The following CCDC60 variants were observed in gnomAD, a reference collection of about 807,000 sequenced individuals.
CCDC60 encodes the protein coiled-coil domain containing 60.
A neutral mutation model predicts 63.5 loss-of-function variants in CCDC60; 54 were observed. The ratio of observed to expected loss-of-function variants is 0.85; its 90% CI spans 0.68 to 1.07. CCDC60 has a LOEUF of 1.07. Ranked by LOEUF, CCDC60 falls within the 50% of genes least tolerant of loss-of-function variation. The probability of loss-of-function intolerance (pLI) is 0.00; values close to 1 mark genes in which losing one functional copy is unlikely to be tolerated. For synonymous variants in CCDC60, 206 were observed against 238.8 expected (o/e 0.86, Z 1.27); for missense variants, 651 against 684.3 (o/e 0.95, Z 0.54).
chr12:119,335,267 G>GT lies in CCDC60; in HGVS notation c.90+2dup, dbSNP rs1565960103. 1 of 1,594,552 alleles carries GT rather than the reference G, an allele frequency of 6.3e-7. No homozygotes were observed. On this transcript the variant is annotated splice_donor_variant, in intron 1 of 13. Transcript: ENST00000327554. LOFTEE classifies it high-confidence loss of function. ...TTATGCCTCGGAGAACCTAAGGCAG[G>GT]TAAGTCTCCCCTCTGCTGAAACCAA...
chr12:119,487,032 C>T (rs2136370262), intron 4 of CCDC60, among the ~76,000 whole-genome samples: 1 of 152,168 alleles, frequency 6.6e-6, no homozygotes, highest in Admixed American at 6.5e-5. Flanking sequence ...GCCAGGACTC[C>T]ACCTTGTTTC....
At chr12:119,347,921 A>G (rs562566372) in intron 1 of CCDC60, among the ~76,000 whole-genome samples, 3 of 152,350 alleles carry the variant, frequency 2.0e-5, no homozygotes, top group African/African-American at 7.2e-5. Flanking sequence ...CCAAATATCA[A>G]GAATTAAAAT....
At chr12:119,512,127 G>A (rs1399742043) in intron 7 of CCDC60, among the ~76,000 whole-genome samples, 1 of 152,190 alleles carries the variant, frequency 6.6e-6, no homozygotes. Flanking sequence ...AAAGGTGGAT[G>A]TACACAACAC....
At chr12:119,497,319 G>A (rs778724894) in intron 5 of CCDC60, among the ~76,000 whole-genome samples, 31 of 152,298 alleles carry the variant, frequency 2.0e-4, no homozygotes, top group Non-Finnish European at 3.2e-4. Context: ...AGCTTAGGTG[G>A]TTTTATTTTT....
rs773506348 is a variant in CCDC60, at chr12:119,420,551, G to A, written c.91-8132G>A. ...AATGGACATAGGTAGTAGAAGGATGGTTATTAGAGGCTGGGAAGGATAGTG... is the reference window on the plus strand; with the variant it reads ...AATGGACATAGGTAGTAGAAGGATGATTATTAGAGGCTGGGAAGGATAGTG... On this transcript the variant is annotated intron_variant, in intron 1 of 13. Transcript: ENST00000327554. This position sits in a 1 kb window ranked among gnomAD's most constrained non-coding sequence, Gnocchi z 4.1. Among the ~76,000 whole-genome samples, 8 of 152,278 alleles carry A rather than the reference G, an allele frequency of 5.3e-5. No homozygotes were observed. In the East Asian group the frequency reaches 9.7e-4, roughly 18 times the overall value.
At chr12:119,488,258 AGAACAATT>A (rs997275743) in intron 4 of CCDC60, among the ~76,000 whole-genome samples, 2 of 152,234 alleles carry the variant, frequency 1.3e-5, no homozygotes, top group African/African-American at 4.8e-5. Flanking sequence ...TGGGGGGAGA[AGAACAATT>A]AATACACTAG....
intron 5 of CCDC60, among the ~76,000 whole-genome samples, chr12:119,497,142 C>T (rs1001644780): frequency 7.9e-5 from 12 of 152,170 alleles, no homozygotes; most frequent in Admixed American, 5.9e-4. Flanking sequence ...GTCACTTTCA[C>T]TCATGTATTT....
At chr12:119,472,344 C>T (rs1403336333) in intron 3 of CCDC60, among the ~76,000 whole-genome samples, 180 bp downstream of exon 3, 1 of 152,132 alleles carries the variant, frequency 6.6e-6, no homozygotes. Context: ...TTCTGGTATT[C>T]GCTGGAACAT....
chr12:119,410,116 G>T lies in CCDC60; in HGVS notation c.91-18567G>T, dbSNP rs942772763. On this transcript the variant is annotated intron_variant, in intron 1 of 13. Transcript: ENST00000327554. This position sits in a 1 kb window ranked among gnomAD's most constrained non-coding sequence, Gnocchi z 4.0. ...TCCAAGATACATTGTTATGTCAGGG[G>T]AAATCAGGACACAAACAGTGCTACC... is the stretch of plus-strand genomic sequence containing the variant. 2.6e-5 allele frequency among the ~76,000 whole-genome samples: 4 copies of T among 152,044 alleles called. No homozygotes were observed. Among genetic ancestry groups the T allele is most frequent in the Non-Finnish European group, 5.9e-5 (4 of 68,018 alleles).
intron 1 of CCDC60, among the ~76,000 whole-genome samples, chr12:119,417,261 A>G (rs1956718397): frequency 1.3e-5 from 2 of 151,974 alleles, no homozygotes; most frequent in South Asian, 2.1e-4. Flanking sequence ...CTTGCAGGAG[A>G]GATGCTACAT....
chr12:119,505,403 A>G, intron 7 of CCDC60, 100 bp downstream of exon 7: 1 of 746,508 alleles, frequency 1.3e-6, no homozygotes, highest in Non-Finnish European at 2.2e-6. Flanking sequence ...CACTCATTTA[A>G]AGGTGACATG....
chr12:119,458,766 A>T lies in CCDC60; in HGVS notation c.171-13228A>T, dbSNP rs149960191. ...GTTTTTGTTTTTGTTTTTGTTTTTGAGACAGAATCTCACTCTGTCACCCAG... is the reference window on the plus strand; with the variant it reads ...GTTTTTGTTTTTGTTTTTGTTTTTGTGACAGAATCTCACTCTGTCACCCAG... On this transcript the variant is annotated intron_variant, in intron 2 of 13. Coordinates refer to ENST00000327554, the MANE Select transcript of CCDC60 (RefSeq NM_178499.5). Among the ~76,000 whole-genome samples the T allele has an allele frequency of 5.3e-3, 765 of 143,686 alleles. 8 individuals carry two copies. The highest frequency in any genetic ancestry group is 0.022 in the African/African-American group (745 of 33,816). 94.3% of individuals were successfully genotyped at this position (143,686 alleles called of 152,430 possible).
intron 2 of CCDC60, among the ~76,000 whole-genome samples, chr12:119,458,613 TG>T (rs1950792692): frequency 6.6e-6 from 1 of 152,224 alleles, no homozygotes. Flanking sequence ...AGGTCTGTTT[TG>T]GGTGATGTTC....
Position 119,468,436 on chromosome 12 carries a change from CAAG to C in CCDC60, c.171-3555_171-3553del, listed in dbSNP as rs1316376193. On this transcript the variant is annotated intron_variant, in intron 2 of 13. Coordinates refer to ENST00000327554, the MANE Select transcript of CCDC60 (RefSeq NM_178499.5). Reference sequence around the variant, plus strand: ...AAACTGAGAGATTATTTTGCAATGACAAGAACATGAGCTGAGCAGATATGACTG... The same window carrying C: ...AAACTGAGAGATTATTTTGCAATGACAACATGAGCTGAGCAGATATGACTG... Among the ~76,000 whole-genome samples, 3 of 152,160 alleles carry C rather than the reference CAAG, an allele frequency of 2.0e-5. No homozygotes were observed. In the East Asian group the frequency reaches 5.8e-4, roughly 29 times the overall value.
Position 119,410,917 on chromosome 12 carries a change from A to ATT in CCDC60, c.91-17758_91-17757dup, listed in dbSNP as rs34794529. Among the ~76,000 whole-genome samples, 1 of 151,484 alleles carries ATT rather than the reference A, an allele frequency of 6.6e-6. No individual in the cohort carries two copies. The highest frequency in any genetic ancestry group is 2.4e-5 in the African/African-American group (1 of 41,272). On this transcript the variant is annotated intron_variant, in intron 1 of 13. Coordinates refer to ENST00000327554, the MANE Select transcript of CCDC60 (RefSeq NM_178499.5). This position sits in a 1 kb window ranked among gnomAD's most constrained non-coding sequence, Gnocchi z 4.0. ...ACCACTACACTCAGCTAATTTTTGT[A>ATT]TTTTTTTTTAGTAGAGACAGGGTTT...
intron 1 of CCDC60, among the ~76,000 whole-genome samples, chr12:119,352,718 C>T (rs1187016699): frequency 6.6e-6 from 1 of 152,126 alleles, no homozygotes; most frequent in Non-Finnish European, 1.5e-5. Flanking sequence ...AGGTGGATCA[C>T]TGAAGGTCAG....
At chr12:119,341,897 G>A (rs1295617241) in intron 1 of CCDC60, among the ~76,000 whole-genome samples, 1 of 152,164 alleles carries the variant, frequency 6.6e-6, no homozygotes, top group Non-Finnish European at 1.5e-5. Flanking sequence ...AGCATGGTTT[G>A]AGTTCCTTGG....
chr12:119,368,274 T>A (rs904833791), intron 1 of CCDC60, among the ~76,000 whole-genome samples: 1 of 152,152 alleles, frequency 6.6e-6, no homozygotes, highest in South Asian at 2.1e-4. Flanking sequence ...ACGGCTCTGA[T>A]GAAAGAATTC....
At chr12:119,443,958 C>A (rs1263165510) in intron 2 of CCDC60, among the ~76,000 whole-genome samples, 2 of 152,202 alleles carry the variant, frequency 1.3e-5, no homozygotes, top group African/African-American at 2.4e-5. Context: ...GTGTTACACA[C>A]AGGCACACAT....
Sources: gnomAD v4.1 joint callset for allele counts (sites outside exome capture counted in the v4.1 genomes callset) on GRCh38, gnomAD v4.1.1 for gene constraint, Gnocchi (gnomAD v3.1) non-coding constraint, MANE v1.5 for transcripts, NCBI Gene and HGNC (gene_info 2026-07-23, HGNC 2026-07-21) for gene names.